ARHGAP6: variants seen among roughly 807,000 people sequenced by gnomAD.
ARHGAP6 encodes the protein rho GTPase-activating protein 6.
In ARHGAP6, 16 loss-of-function variants were observed where a neutral mutation model predicts 55.7. The observed-to-expected ratio is 0.29, with a 90% CI of 0.19 to 0.44. ARHGAP6 has a LOEUF of 0.44. Among genes scored for constraint, ARHGAP6 ranks in the 20% least tolerant of loss-of-function variants. The pLI, the probability that ARHGAP6 is intolerant of heterozygous loss-of-function variation, is 1.00. For synonymous variants in ARHGAP6, 382 were observed against 360.9 expected, an observed-to-expected ratio of 1.06 and a Z score of -0.66; for missense variants, 698 against 808.9, an observed-to-expected ratio of 0.86 and a Z score of 1.66.
At chrX:11,227,800 C>CT (rs772345343) in intron 2 of ARHGAP6, among the ~76,000 whole-genome samples, 1,501 of 101,742 alleles carry the variant, frequency 0.015, 14 homozygotes, top group Non-Finnish European at 0.019. Flanking sequence ...TTTCTTTTTT[C>CT]TTTTTTTTTT....
At chrX:11,599,905 A>G (rs945261390) in intron 1 of ARHGAP6, among the ~76,000 whole-genome samples, 1 of 112,573 alleles carries the variant, frequency 8.9e-6, no homozygotes, top group Admixed American at 9.4e-5. Context: ...ATACACAAAA[A>G]GGAAACACAG....
chrX:11,435,854 C>G (rs936506165), intron 1 of ARHGAP6, among the ~76,000 whole-genome samples: 10 of 111,941 alleles, frequency 8.9e-5, no homozygotes, highest in Admixed American at 8.5e-4. Flanking sequence ...TGGCCCAGTT[C>G]AGCACAACCC....
intron 2 of ARHGAP6, among the ~76,000 whole-genome samples, chrX:11,231,071 T>C (rs1309069408): frequency 1.8e-5 from 2 of 112,132 alleles, no homozygotes; most frequent in African/African-American, 3.2e-5. Flanking sequence ...GTTTAATTTA[T>C]ATATTTGTGA....
intron 1 of ARHGAP6, among the ~76,000 whole-genome samples, chrX:11,612,566 G>T (rs746335968): frequency 4.5e-5 from 5 of 112,110 alleles, no homozygotes; most frequent in Non-Finnish European, 9.4e-5. Flanking sequence ...GAAGACAGTT[G>T]TCCATCTGTG....
intron 1 of ARHGAP6, among the ~76,000 whole-genome samples, chrX:11,517,651 A>T (rs1312292794): frequency 8.9e-6 from 1 of 111,754 alleles, no homozygotes; most frequent in African/African-American, 3.3e-5. Flanking sequence ...TAAATGGATC[A>T]TGTCCTTTGC....
At position 11,299,125 on chromosome X, in the gene ARHGAP6, C is replaced by A; in HGVS notation, c.589-44418G>T. On this transcript the variant is annotated intron_variant, in intron 1 of 12. Coordinates refer to ENST00000337414, the MANE Select transcript of ARHGAP6 (RefSeq NM_013427.3). ...TATTAGTCCAAGCAATATGCTATAC[C>A]TTTATGTTAAAGACAAATTCCTCTA... 3 of 755,045 alleles carry A rather than the reference C, an allele frequency of 4.0e-6. No homozygotes were observed. The East Asian group carries it at 1.0e-4, about 26-fold the overall frequency. The allele number at this position is 755,045 out of a possible 1,213,427, so 62.2% of individuals were successfully genotyped here.
chrX:11,310,970 A>C (rs1241557126), intron 1 of ARHGAP6, among the ~76,000 whole-genome samples: 1 of 112,213 alleles, frequency 8.9e-6, no homozygotes, highest in African/African-American at 3.2e-5. Context: ...AAAGAGATTA[A>C]ATGCAACTTA....
At chrX:11,603,340 T>C (rs1456205265) in intron 1 of ARHGAP6, among the ~76,000 whole-genome samples, 3 of 111,364 alleles carry the variant, frequency 2.7e-5, no homozygotes, top group African/African-American at 9.8e-5. Flanking sequence ...AATTTTATAA[T>C]TTTTTTTTAA....
chrX:11,421,174 CTA>C (rs1389619829), intron 1 of ARHGAP6, among the ~76,000 whole-genome samples: 2 of 111,994 alleles, frequency 1.8e-5, no homozygotes, highest in Admixed American at 1.9e-4. Flanking sequence ...TTTCTCACCT[CTA>C]TCTCTGAAAA....
intron 1 of ARHGAP6, among the ~76,000 whole-genome samples, chrX:11,428,850 G>C (rs189039908): frequency 1.2e-3 from 131 of 111,814 alleles, no homozygotes; most frequent in Non-Finnish European, 1.6e-3. Context: ...TGAAGCCAGG[G>C]GTGCAAGTGG....
intron 1 of ARHGAP6, among the ~76,000 whole-genome samples, chrX:11,620,771 A>G (rs2052219177): frequency 8.9e-6 from 1 of 112,069 alleles, no homozygotes; most frequent in African/African-American, 3.2e-5. Context: ...TCATAACTGG[A>G]GGGAAGTTGG....
chrX:11,244,416 T>A (rs760101548), intron 2 of ARHGAP6, among the ~76,000 whole-genome samples: 13 of 111,566 alleles, frequency 1.2e-4, no homozygotes, highest in Non-Finnish European at 2.3e-4. Flanking sequence ...TTTGCCCACA[T>A]CTATCTTAAG....
At chrX:11,339,515 T>C (rs1221994789) in intron 1 of ARHGAP6, among the ~76,000 whole-genome samples, 2 of 110,998 alleles carry the variant, frequency 1.8e-5, no homozygotes, top group East Asian at 2.8e-4. Context: ...GCACTCACCA[T>C]CATACCTCCA....
At chrX:11,630,023 G>C (rs1311786364) in intron 1 of ARHGAP6, among the ~76,000 whole-genome samples, 1 of 111,226 alleles carries the variant, frequency 9.0e-6, no homozygotes. Flanking sequence ...GTGTGTGTGT[G>C]TGTGTGTATT....
intron 8 of ARHGAP6, among the ~76,000 whole-genome samples, chrX:11,172,014 G>A (rs2046098988): frequency 9.0e-6 from 1 of 111,213 alleles, no homozygotes; most frequent in Non-Finnish European, 1.9e-5. Context: ...CTGCTTGGTG[G>A]GGATCTTTTG....
At chrX:11,345,421 G>T (rs57762555) in intron 1 of ARHGAP6, among the ~76,000 whole-genome samples, 6,662 of 112,015 alleles carry the variant, frequency 0.059, 214 homozygotes, top group African/African-American at 0.12. Context: ...AAGCAAATAA[G>T]AACAAATGTT....
At chrX:11,473,237 T>C (rs935079378) in intron 1 of ARHGAP6, among the ~76,000 whole-genome samples, 2 of 110,147 alleles carry the variant, frequency 1.8e-5, no homozygotes, top group African/African-American at 3.3e-5. Flanking sequence ...CATACAGGGG[T>C]CAAAAATGCA....
At chrX:11,536,867 T>C (rs965157132) in intron 1 of ARHGAP6, among the ~76,000 whole-genome samples, 1 of 112,340 alleles carries the variant, frequency 8.9e-6, no homozygotes, top group Non-Finnish European at 1.9e-5. Context: ...TTGCATAAAA[T>C]GAAATTACCA....
At chrX:11,616,330 T>G (rs2052163895) in intron 1 of ARHGAP6, among the ~76,000 whole-genome samples, 1 of 110,311 alleles carries the variant, frequency 9.1e-6, no homozygotes, top group African/African-American at 3.3e-5. Context: ...TCTTTTTTCT[T>G]TTTCTTTTTT....
Sources: gnomAD v4.1 joint callset for allele counts (sites outside exome capture counted in the v4.1 genomes callset) on GRCh38, gnomAD v4.1.1 for gene constraint, MANE v1.5 for transcripts, NCBI Gene and HGNC (gene_info 2026-07-23, HGNC 2026-07-21) for gene names.